The following TRAK1 variants were observed in gnomAD, a reference collection of about 807,000 sequenced individuals.
TRAK1 encodes trafficking kinesin-binding protein 1.
Under a neutral mutation model 92.1 loss-of-function variants are expected in TRAK1, and 33 were observed. That is an observed-to-expected ratio of 0.36 (90% CI 0.27 to 0.48). The LOEUF is 0.48. Among genes scored for constraint, TRAK1 ranks in the 20% least tolerant of loss-of-function variants. The probability of loss-of-function intolerance (pLI) is 0.99; values close to 1 mark genes in which losing one functional copy is unlikely to be tolerated. For missense variants in TRAK1, 1,123 were observed against 1,257.9 expected, an observed-to-expected ratio of 0.89 and a Z score of 1.62; for synonymous variants, 521 against 517.3, an observed-to-expected ratio of 1.01 and a Z score of -0.10.
chr3:42,121,144 C>T (rs976321910), intron 1 of TRAK1, among the ~76,000 whole-genome samples: 1 of 152,160 alleles, frequency 6.6e-6, no homozygotes, highest in Non-Finnish European at 1.5e-5. Flanking sequence ...AGCCCTCGTG[C>T]ATCCCAGCTT....
chr3:42,222,994 A>G lies in TRAK1; in HGVS notation c.2119A>G (p.Thr707Ala). 6.2e-7 allele frequency: 1 copy of G among 1,613,992 alleles called. No homozygotes were observed. The highest frequency in any genetic ancestry group is 8.5e-7 in the Non-Finnish European group (1 of 1,179,974). ...ACGSTSHLKSTPVATPCTPRR... is the reference protein window; with the variant it reads ...ACGSTSHLKSAPVATPCTPRR... ...TGGCAGCACCAGCCACTTGAAATCC[A>G]CGCCGGTGGCCACACCATGCACTCC... Residue 707 changes from threonine (T) to alanine (A), a missense_variant, in exon 16 of 16, where the codon ACG (threonine) becomes GCG (alanine). This residue lies in a region of TRAK1 where 401 missense variants were observed against 438.9 expected (regional missense o/e 0.91). Transcript: ENST00000327628.
chr3:42,187,900 G>T, intron 4 of TRAK1, 145 bp from the exon 5 acceptor site: 1 of 704,784 alleles, frequency 1.4e-6, no homozygotes, highest in African/African-American at 1.8e-5. Context: ...TTTTTGAATA[G>T]CACAAAATCA....
In TRAK1 at chr3:42,192,102, A is replaced by G. The variant is rs949438916; in HGVS notation, c.769+466A>G. Among the ~76,000 whole-genome samples the G allele has an allele frequency of 2.6e-5, 4 of 152,078 alleles. No individual in the cohort carries two copies. In the East Asian group the frequency reaches 5.8e-4, roughly 22 times the overall value. On this transcript the variant is annotated intron_variant, in intron 7 of 15. Transcript: ENST00000327628. The stretch of plus-strand genomic sequence containing the variant: ...ATTTTTGTAGAGGCAAGGTTTCACC[A>G]TGTTGGCCAGGCTGGTCTTGAACTC...
intron 3 of TRAK1, among the ~76,000 whole-genome samples, chr3:42,183,443 C>G (rs1426392623): frequency 6.6e-6 from 1 of 151,434 alleles, no homozygotes; most frequent in African/African-American, 2.4e-5. Context: ...GTAATCCCAG[C>G]TACCCAAGGG....
At chr3:42,032,703 C>A (rs1702192325) in intron 1 of TRAK1, among the ~76,000 whole-genome samples, 2 of 152,128 alleles carry the variant, frequency 1.3e-5, no homozygotes, top group South Asian at 4.1e-4. Flanking sequence ...TTTGTAACCC[C>A]ATAAAACAAG....
chr3:42,185,913 A>G (rs1266319288), intron 4 of TRAK1, among the ~76,000 whole-genome samples: 1 of 147,588 alleles, frequency 6.8e-6, no homozygotes, highest in African/African-American at 2.5e-5. Flanking sequence ...ACCTCAGGTC[A>G]TCCGCCCGCC....
intron 13 of TRAK1, among the ~76,000 whole-genome samples, chr3:42,205,544 TC>T (rs1486413296): frequency 1.3e-5 from 2 of 152,234 alleles, no homozygotes; most frequent in African/African-American, 2.4e-5. Flanking sequence ...AACAAACCAT[TC>T]AAACTAGAAA....
At chr3:42,190,393 T>C (rs1029632044) in intron 6 of TRAK1, among the ~76,000 whole-genome samples, 1 of 152,218 alleles carries the variant, frequency 6.6e-6, no homozygotes, top group East Asian at 1.9e-4. Flanking sequence ...TCTGCACATC[T>C]TGTTCTGTTA....
chr3:42,187,270 G>C (rs559224243), intron 4 of TRAK1, among the ~76,000 whole-genome samples: 8 of 152,324 alleles, frequency 5.3e-5, no homozygotes, highest in African/African-American at 1.9e-4. Context: ...GAGAGCAAGG[G>C]TCGGTGAGCT....
chr3:42,182,099 G>A (rs1037159192), intron 3 of TRAK1, among the ~76,000 whole-genome samples: 3 of 151,652 alleles, frequency 2.0e-5, no homozygotes, highest in Non-Finnish European at 2.9e-5. Context: ...CACTGCACCC[G>A]GCCAAGGGAA....
At chr3:42,048,472 A>C (rs1054582302) in intron 1 of TRAK1, among the ~76,000 whole-genome samples, 2 of 151,102 alleles carry the variant, frequency 1.3e-5, no homozygotes, top group African/African-American at 4.9e-5. Context: ...CACCTGCTCT[A>C]CTCTTAGTCT....
chr3:42,138,692 G>A (rs188746821), intron 2 of TRAK1, among the ~76,000 whole-genome samples: 6 of 147,584 alleles, frequency 4.1e-5, no homozygotes, highest in East Asian at 4.0e-4. Flanking sequence ...TTCGAGACCA[G>A]CCTGGGGAAC....
chr3:42,175,130 A>G (rs1703035623), intron 2 of TRAK1, among the ~76,000 whole-genome samples: 1 of 152,006 alleles, frequency 6.6e-6, no homozygotes, highest in Non-Finnish European at 1.5e-5. Flanking sequence ...GTGAGTGGGG[A>G]TAAGCAGGCC....
chr3:42,225,043 T>C lies in TRAK1; in HGVS notation c.*1306T>C, dbSNP rs773422967. 2.0e-5 allele frequency: 3 copies of C among 152,260 alleles called. No individual in the cohort carries two copies. The highest frequency in any genetic ancestry group is 4.4e-5 in the Non-Finnish European group (3 of 68,042). 9.4% of individuals were successfully genotyped at this position (152,260 alleles called of 1,614,324 possible). A position where few individuals can be genotyped will look rare whatever the true frequency, so the allele number is the denominator to read the frequency against. ...TGAATGCAACAAGGGAGGCTGGTCCTGTTGCTGTCGCCGATTAAGTTTTAA... is the reference window on the plus strand; with the variant it reads ...TGAATGCAACAAGGGAGGCTGGTCCCGTTGCTGTCGCCGATTAAGTTTTAA... On this transcript the variant is annotated 3_prime_UTR_variant, in exon 16 of 16. Coordinates refer to ENST00000327628, the MANE Select transcript of TRAK1 (RefSeq NM_001042646.3).
intron 12 of TRAK1, among the ~76,000 whole-genome samples, chr3:42,201,929 CA>C (rs1707686269): frequency 3.4e-5 from 5 of 148,242 alleles, no homozygotes; most frequent in African/African-American, 9.9e-5. Flanking sequence ...CACACACACA[CA>C]CCATTGTCTA....
chr3:42,037,295 C>A (rs1372954199), intron 1 of TRAK1, among the ~76,000 whole-genome samples: 1 of 152,158 alleles, frequency 6.6e-6, no homozygotes, highest in African/African-American at 2.4e-5. Flanking sequence ...CACGGTGTGT[C>A]CATTTTAGAC....
intron 3 of TRAK1, among the ~76,000 whole-genome samples, chr3:42,181,973 T>C (rs948708182): frequency 7.0e-6 from 1 of 143,828 alleles, no homozygotes; most frequent in Non-Finnish European, 1.5e-5. Flanking sequence ...TTTTTTTTTT[T>C]CAATTTTGTG....
chr3:42,212,671 T>A (rs1321251473), intron 14 of TRAK1: 4 of 604,600 alleles, frequency 6.6e-6, no homozygotes, highest in Non-Finnish European at 8.3e-6. Flanking sequence ...TATGTTTTAA[T>A]TTATATAGAA....
Position 42,223,055 on chromosome 3 carries a change from C to T in TRAK1, c.2180C>T (p.Thr727Ile), listed in dbSNP as rs546670789. The T allele has an allele frequency of 3.1e-6, 5 of 1,614,118 alleles. No individual in the cohort carries two copies. The highest frequency in any genetic ancestry group is 3.4e-6 in the Non-Finnish European group (4 of 1,180,030). ...AGCCTGGCTGAGTCCTTCACTAACACCCGTGAGTCCACGACCACCATGAGC... is the reference window on the plus strand; with the variant it reads ...AGCCTGGCTGAGTCCTTCACTAACATCCGTGAGTCCACGACCACCATGAGC... ...RLSLAESFTN[T>I]RESTTTMSTS... Residue 727 changes from threonine (T) to isoleucine (I), a missense_variant, in exon 16 of 16, where the codon ACC becomes ATC. This residue lies in a region of TRAK1 where 401 missense variants were observed against 438.9 expected (regional missense o/e 0.91). Transcript: ENST00000327628. This position sits in a 1 kb window ranked among gnomAD's most constrained non-coding sequence, Gnocchi z 6.1.
Sources: allele counts gnomAD v4.1 joint callset (sites outside exome capture counted in the v4.1 genomes callset), GRCh38; gene constraint gnomAD v4.1.1; regional missense constraint gnomAD v4.1.1; non-coding constraint Gnocchi (gnomAD v3.1); transcripts MANE v1.5; gene names NCBI Gene and HGNC (gene_info 2026-07-23, HGNC 2026-07-21).